Variants in GPHN observed in about 807,000 individuals in gnomAD.
GPHN encodes gephyrin.
Under a neutral mutation model 95.5 loss-of-function variants are expected in GPHN, and 17 were observed. That is an observed-to-expected ratio of 0.18 (90% CI 0.12 to 0.27). The LOEUF is 0.27. Ranked by LOEUF, GPHN falls within the 10% of genes least tolerant of loss-of-function variation. GPHN has a pLI of 1.00. For synonymous variants in GPHN, 320 were observed against 322.5 expected, an observed-to-expected ratio of 0.99 and a Z score of 0.08; for missense variants, 660 against 978.1, an observed-to-expected ratio of 0.67 and a Z score of 4.34.
the GPHN span, chr14:67,646,794 T>C: frequency 1.3e-6 from 2 of 1,496,042 alleles, no homozygotes; most frequent in Non-Finnish European, 1.9e-6. Flanking sequence ...TTATGTTCTA[T>C]TTGAAAGGCT....
chr14:67,700,555 A>T, the GPHN span, among the ~76,000 whole-genome samples: 1 of 151,724 alleles, frequency 6.6e-6, no homozygotes, highest in Admixed American at 6.6e-5. Flanking sequence ...CTCTACTAAA[A>T]ATACAAAAAA....
At chr14:67,226,871 G>T in the GPHN span, among the ~76,000 whole-genome samples, 1 of 152,066 alleles carries the variant, frequency 6.6e-6, no homozygotes, top group South Asian at 2.1e-4. Flanking sequence ...TTGTTGTATG[G>T]TGTGGAGACA....
At chr14:67,416,313 G>A in the GPHN span, among the ~76,000 whole-genome samples, 3 of 152,172 alleles carry the variant, frequency 2.0e-5, no homozygotes, top group South Asian at 2.1e-4. Context: ...CCTGGGGGAC[G>A]GCCAGCTAGA....
the GPHN span, among the ~76,000 whole-genome samples, chr14:67,213,353 C>A: frequency 1.5e-5 from 2 of 130,242 alleles, no homozygotes; most frequent in African/African-American, 5.9e-5. Context: ...TGTGATGTTC[C>A]CCTTCCTGTG....
chr14:67,525,532 A>G, the GPHN span, among the ~76,000 whole-genome samples: 35 of 152,298 alleles, frequency 2.3e-4, no homozygotes, highest in Non-Finnish European at 1.6e-4. Context: ...CTCCTAACAT[A>G]AATTGTGAGA....
intron 8 of GPHN, among the ~76,000 whole-genome samples, chr14:66,933,476 TAGAA>T (rs2066933554): frequency 6.6e-6 from 1 of 152,142 alleles, no homozygotes; most frequent in African/African-American, 2.4e-5. Flanking sequence ...GATTACCTAT[TAGAA>T]AGAAAAATTA....
At chr14:67,198,969 G>A in the GPHN span, 4 of 702,948 alleles carry the variant, frequency 5.7e-6, no homozygotes, top group East Asian at 2.7e-5. Flanking sequence ...TAATACATTC[G>A]AGAAGCTGCT....
At chr14:66,887,758 G>A (rs1387706964) in intron 5 of GPHN, among the ~76,000 whole-genome samples, 4 of 152,122 alleles carry the variant, frequency 2.6e-5, no homozygotes, top group Non-Finnish European at 5.9e-5. Flanking sequence ...AAGAGACAAA[G>A]CAAGCATCAG....
At chr14:67,502,746 C>A in the GPHN span, among the ~76,000 whole-genome samples, 1 of 151,928 alleles carries the variant, frequency 6.6e-6, no homozygotes, top group Non-Finnish European at 1.5e-5. Context: ...GCCACCGCGC[C>A]GGGCCCCAGA....
At chr14:66,955,553 T>C (rs867158520) in intron 8 of GPHN, among the ~76,000 whole-genome samples, 3 of 152,208 alleles carry the variant, frequency 2.0e-5, no homozygotes, top group African/African-American at 7.2e-5. Context: ...TGTTATTACT[T>C]TTATTTTTTT....
chr14:67,514,705 T>G, the GPHN span, among the ~76,000 whole-genome samples: 1 of 151,844 alleles, frequency 6.6e-6, no homozygotes, highest in African/African-American at 2.4e-5. Context: ...GCCTCCTGGG[T>G]GCTCTCCGCC....
chr14:67,648,426 A>G, the GPHN span: 1 of 338,614 alleles, frequency 3.0e-6, no homozygotes, highest in Middle Eastern at 8.1e-4. Flanking sequence ...GTATATTTAA[A>G]CAATTAAATA....
intron 1 of GPHN, among the ~76,000 whole-genome samples, chr14:66,566,395 T>A (rs28490950): frequency 0.31 from 47,289 of 152,014 alleles, 11,183 homozygotes; most frequent in African/African-American, 0.64. Context: ...TTTTTTAATT[T>A]TGCAGCTGAC....
At chr14:67,402,884 G>A in the GPHN span, among the ~76,000 whole-genome samples, 1 of 152,288 alleles carries the variant, frequency 6.6e-6, no homozygotes, top group African/African-American at 2.4e-5. Flanking sequence ...ACAGACATGG[G>A]TGTGCAGATA....
chr14:67,453,199 C>G, the GPHN span, among the ~76,000 whole-genome samples: 1 of 149,468 alleles, frequency 6.7e-6, no homozygotes, highest in Non-Finnish European at 1.5e-5. Context: ...AAATGCTGCT[C>G]CAATTATCCC....
the GPHN span, among the ~76,000 whole-genome samples, chr14:67,304,534 C>T: frequency 6.6e-6 from 1 of 152,120 alleles, no homozygotes. Flanking sequence ...CGAAGGAAGC[C>T]AGTCACAAAA....
At position 66,794,327 on chromosome 14, in the gene GPHN, A is replaced by G. The variant is rs369929733; in HGVS notation, c.201+17806A>G. ...GCTCTCTCATGCTGCTGCTCTGGCCATGTAAGACGTGTCTTCTGCCATAAT... is the reference window on the plus strand; with the variant it reads ...GCTCTCTCATGCTGCTGCTCTGGCCGTGTAAGACGTGTCTTCTGCCATAAT... On this transcript the variant is annotated intron_variant, in intron 3 of 22. Transcript: ENST00000478722. Among the ~76,000 whole-genome samples the G allele has an allele frequency of 6.0e-4, 91 of 152,242 alleles. 3 individuals are homozygous for G. The highest frequency in any genetic ancestry group is 2.1e-3 in the African/African-American group (88 of 41,554).
the GPHN span, among the ~76,000 whole-genome samples, chr14:67,378,695 A>G: frequency 6.6e-6 from 1 of 152,218 alleles, no homozygotes; most frequent in Admixed American, 6.5e-5. Flanking sequence ...TGTTACCACT[A>G]AACCTTGGCG....
the GPHN span, among the ~76,000 whole-genome samples, chr14:67,315,147 C>A: frequency 6.6e-6 from 1 of 151,720 alleles, no homozygotes; most frequent in Non-Finnish European, 1.5e-5. Flanking sequence ...TCAGAATAGC[C>A]TATAGTTCAT....
Sources: gnomAD v4.1 joint callset for allele counts (sites outside exome capture counted in the v4.1 genomes callset) on GRCh38, gnomAD v4.1.1 for gene constraint, MANE v1.5 for transcripts, NCBI Gene and HGNC (gene_info 2026-07-23, HGNC 2026-07-21) for gene names.